GALNT17: variants seen among roughly 807,000 people sequenced by gnomAD.
GALNT17 encodes the protein UDP-GalNAc:polypeptide N-acetylgalactosaminyltransferase-like 3.
GALNT17 carries 29 observed loss-of-function variants against 63.7 expected under a neutral mutation model. The observed-to-expected ratio is 0.46, with a 90% CI of 0.34 to 0.62. GALNT17 has a LOEUF of 0.62. Ranked by LOEUF, GALNT17 falls within the 20% of genes least tolerant of loss-of-function variation. The pLI is 0.01. For synonymous variants in GALNT17, 305 were observed against 318.3 expected (o/e 0.96, Z 0.45); for missense variants, 603 against 799.6 (o/e 0.75, Z 2.97).
At chr7:71,269,507 C>T (rs1790548200) in intron 1 of GALNT17, among the ~76,000 whole-genome samples, 1 of 152,102 alleles carries the variant, frequency 6.6e-6, no homozygotes, top group Non-Finnish European at 1.5e-5. Context: ...TGTCTTCTCC[C>T]CTCTTCTCTC....
At chr7:71,185,135 C>G (rs1562895200) in intron 1 of GALNT17, among the ~76,000 whole-genome samples, 1 of 148,022 alleles carries the variant, frequency 6.8e-6, no homozygotes, top group African/African-American at 2.5e-5. Context: ...TTCCCCTCTC[C>G]TCCCCTCCCG....
At chr7:71,256,267 A>G (rs1790287925) in intron 1 of GALNT17, among the ~76,000 whole-genome samples, 1 of 152,180 alleles carries the variant, frequency 6.6e-6, no homozygotes, top group Non-Finnish European at 1.5e-5. Flanking sequence ...TTGTCTCCCT[A>G]CAATGTATAA....
At chr7:71,695,337 AGCAAAT>A (rs1221705825) in intron 9 of GALNT17, among the ~76,000 whole-genome samples, 1 of 152,156 alleles carries the variant, frequency 6.6e-6, no homozygotes, top group African/African-American at 2.4e-5. Flanking sequence ...CATTCCAAGT[AGCAAAT>A]GCATTTTCTG....
intron 5 of GALNT17, among the ~76,000 whole-genome samples, chr7:71,518,324 A>G (rs539460999): frequency 1.3e-5 from 2 of 152,296 alleles, no homozygotes; most frequent in South Asian, 2.1e-4. Flanking sequence ...AAAGAAAACA[A>G]TTATCTTCAT....
At chr7:71,485,861 T>C (rs963783161) in intron 5 of GALNT17, among the ~76,000 whole-genome samples, 2 of 152,188 alleles carry the variant, frequency 1.3e-5, no homozygotes, top group African/African-American at 2.4e-5. Context: ...GTGTAAGCTA[T>C]ATAGTCAGAT....
At chr7:71,390,228 G>T (rs757056588) in intron 3 of GALNT17, among the ~76,000 whole-genome samples, 82 of 152,166 alleles carry the variant, frequency 5.4e-4, no homozygotes, top group Non-Finnish European at 1.0e-3. Flanking sequence ...CCGGAAGATG[G>T]TGAGGAGGAG....
chr7:71,150,178 T>G (rs924520265), intron 1 of GALNT17, among the ~76,000 whole-genome samples: 2 of 152,140 alleles, frequency 1.3e-5, no homozygotes, highest in Non-Finnish European at 2.9e-5. Context: ...GTGTAGAATT[T>G]TAGTTTGGAG....
At chr7:71,192,551 A>G (rs971941122) in intron 1 of GALNT17, among the ~76,000 whole-genome samples, 1 of 151,926 alleles carries the variant, frequency 6.6e-6, no homozygotes, top group Non-Finnish European at 1.5e-5. Context: ...ATGTGCCACT[A>G]TGCCTGGCTA....
chr7:71,162,257 G>A (rs1302793133), intron 1 of GALNT17, among the ~76,000 whole-genome samples: 2 of 151,682 alleles, frequency 1.3e-5, no homozygotes, highest in Admixed American at 1.3e-4. Context: ...CATTCCTAAA[G>A]GAAAGGTAAA....
chr7:71,238,650 A>G (rs1203166485), intron 1 of GALNT17, among the ~76,000 whole-genome samples: 4 of 152,188 alleles, frequency 2.6e-5, no homozygotes, highest in Admixed American at 2.6e-4. Flanking sequence ...AAGTGGGATA[A>G]TGAAATGGTG....
At chr7:71,205,343 A>G (rs1347622042) in intron 1 of GALNT17, among the ~76,000 whole-genome samples, 1 of 151,768 alleles carries the variant, frequency 6.6e-6, no homozygotes, top group East Asian at 1.9e-4. Flanking sequence ...TGGTAGAGAC[A>G]GCATTCCACC....
At chr7:71,415,853 T>G in intron 3 of GALNT17, 36 bp from the exon 4 acceptor site, 1 of 1,523,752 alleles carries the variant, frequency 6.6e-7, no homozygotes. Context: ...TGAAATGACA[T>G]GTTTATAGAC....
chr7:71,253,486 G>C (rs1298099917), intron 1 of GALNT17, among the ~76,000 whole-genome samples: 2 of 151,332 alleles, frequency 1.3e-5, no homozygotes, highest in African/African-American at 4.9e-5. Flanking sequence ...TTTGGGTGGG[G>C]ACACAGCCAA....
At chr7:71,552,099 C>T (rs1228155895) in intron 5 of GALNT17, among the ~76,000 whole-genome samples, 2 of 151,740 alleles carry the variant, frequency 1.3e-5, no homozygotes, top group African/African-American at 4.8e-5. Flanking sequence ...GGCTGGAGTA[C>T]AGTGGTGTGA....
chr7:71,505,025 G>A (rs1406116198), intron 5 of GALNT17, among the ~76,000 whole-genome samples: 2 of 152,156 alleles, frequency 1.3e-5, no homozygotes, highest in Non-Finnish European at 2.9e-5. Context: ...CCCACACGCT[G>A]TTGTGTGCAT....
chr7:71,414,527 T>C (rs1372927871), intron 3 of GALNT17, among the ~76,000 whole-genome samples: 1 of 152,118 alleles, frequency 6.6e-6, no homozygotes, highest in East Asian at 1.9e-4. Context: ...ACCCACACTT[T>C]CTTTTGCCAA....
chr7:71,500,881 C>G (rs568218916), intron 5 of GALNT17, among the ~76,000 whole-genome samples: 5 of 152,272 alleles, frequency 3.3e-5, no homozygotes, highest in East Asian at 3.9e-4. Flanking sequence ...CTCTTCTCCC[C>G]CTTTACCATA....
chr7:71,342,299 A>G (rs1792018697), intron 2 of GALNT17, among the ~76,000 whole-genome samples: 1 of 152,100 alleles, frequency 6.6e-6, no homozygotes, highest in Non-Finnish European at 1.5e-5. Context: ...AGAGAGAGAG[A>G]GTGGGAGATG....
At chr7:71,141,882 G>GTGTA (rs1787900764) in intron 1 of GALNT17, among the ~76,000 whole-genome samples, 1 of 138,966 alleles carries the variant, frequency 7.2e-6, no homozygotes, top group African/African-American at 2.8e-5. Context: ...GTGTGTGTAT[G>GTGTA]TGTGTATTTT....
Sources: allele counts gnomAD v4.1 joint callset (sites outside exome capture counted in the v4.1 genomes callset), GRCh38; gene constraint gnomAD v4.1.1; transcripts MANE v1.5; gene names NCBI Gene and HGNC (gene_info 2026-07-23, HGNC 2026-07-21).